SPATA13: variants seen among roughly 807,000 people sequenced by gnomAD.
The protein encoded by SPATA13 is spermatogenesis associated 13.
A neutral mutation model predicts 104.0 loss-of-function variants in SPATA13; 50 were observed. The observed-to-expected ratio is 0.48, with a 90% confidence interval of 0.38 to 0.61. The LOEUF (loss-of-function observed/expected upper bound fraction) is 0.61, where lower values mean the gene tolerates loss of function less well. SPATA13 is among the 20% of genes least tolerant of loss of function. SPATA13 has a pLI of 0.00. For synonymous variants in SPATA13, 606 were observed against 667.5 expected (o/e 0.91, Z 1.42); for missense variants, 1,524 against 1,690.6 (o/e 0.90, Z 1.73).
intron 1 of SPATA13, among the ~76,000 whole-genome samples, chr13:24,188,341 T>C (rs1013426238): frequency 2.1e-5 from 1 of 47,314 alleles, no homozygotes; most frequent in Non-Finnish European, 7.9e-5. Flanking sequence ...CCAAAAAAAA[T>C]AATAAAAAAA....
chr13:24,162,044 C>T (rs750475840), intron 1 of SPATA13, among the ~76,000 whole-genome samples: 1 of 152,148 alleles, frequency 6.6e-6, no homozygotes, highest in African/African-American at 2.4e-5. Flanking sequence ...TTGCAAACTT[C>T]CTCACTGCAT....
chr13:24,110,992 C>T (rs981506302), intron 3 of SPATA13, among the ~76,000 whole-genome samples: 3 of 152,082 alleles, frequency 2.0e-5, no homozygotes, highest in African/African-American at 2.4e-5. Context: ...GTCCTAGCCT[C>T]GAACTCCTGA....
rs1026021962 is a variant in SPATA13 at position 24,145,781 on chromosome 13, C to T, written c.-111-77038C>T. ...CAAATTGGTGATGCTGCTAGGAGGG[C>T]GTGAAGGAGACTAAGACAGGAAAAA... On this transcript the variant is annotated intron_variant, in intron 3 of 14. Transcript: ENST00000424834. Among the ~76,000 whole-genome samples the T allele has an allele frequency of 1.4e-4, 22 of 152,048 alleles. No homozygotes were observed. The South Asian group carries it at 1.7e-3, about 11-fold the overall frequency.
chr13:24,127,817 A>G (rs2137831491), intron 3 of SPATA13, among the ~76,000 whole-genome samples: 2 of 152,386 alleles, frequency 1.3e-5, no homozygotes, highest in Middle Eastern at 6.8e-3. Flanking sequence ...TTTAAATTGC[A>G]CAGCAAGGAA....
At chr13:24,123,413 G>T (rs1881105274) in intron 3 of SPATA13, 1 of 1,305,038 alleles carries the variant, frequency 7.7e-7, no homozygotes, top group Admixed American at 1.7e-5. Flanking sequence ...TGAAGAGGGG[G>T]AGTACATGAT....
intron 3 of SPATA13, among the ~76,000 whole-genome samples, chr13:24,146,324 C>T (rs1010343244): frequency 2.6e-5 from 4 of 152,212 alleles, no homozygotes; most frequent in African/African-American, 9.6e-5. Context: ...GGAGGTCAGA[C>T]TCTGTAAGCC....
chr13:24,123,750 A>G, intron 3 of SPATA13: 3 of 1,459,890 alleles, frequency 2.1e-6, no homozygotes, highest in Non-Finnish European at 2.9e-6. Context: ...AACATCTTGG[A>G]TAATGCCTTG....
intron 2 of SPATA13, among the ~76,000 whole-genome samples, chr13:24,002,053 A>G (rs920830242): frequency 2.6e-5 from 4 of 152,104 alleles, no homozygotes; most frequent in African/African-American, 9.7e-5. Flanking sequence ...AACATCTTAC[A>G]TGGCCGAGAG....
At chr13:24,216,367 A>G (rs1299124658) in intron 1 of SPATA13, among the ~76,000 whole-genome samples, 1 of 152,244 alleles carries the variant, frequency 6.6e-6, no homozygotes, top group Non-Finnish European at 1.5e-5. Context: ...TATTGGGGAA[A>G]CACCATTCTC....
Position 24,281,144 on chromosome 13 carries a change from G to A in SPATA13, c.2165-2991G>A, listed in dbSNP as rs117982760. Among the ~76,000 whole-genome samples, 200 of 152,328 alleles carry A rather than the reference G, an allele frequency of 1.3e-3. 3 individuals are homozygous for A. In the East Asian group the frequency reaches 0.034, roughly 26 times the overall value. On this transcript the variant is annotated intron_variant, in intron 4 of 12. Coordinates refer to ENST00000382108, the MANE Select transcript of SPATA13 (RefSeq NM_001166271.3). ...GCAACCGTCCCCTCTCCTTTAATGA[G>A]CAGGTAAGAAAGCTAGGGCCCAGAA...
intron 3 of SPATA13, among the ~76,000 whole-genome samples, chr13:24,145,161 G>A (rs1881888168): frequency 6.6e-6 from 1 of 152,124 alleles, no homozygotes; most frequent in African/African-American, 2.4e-5. Flanking sequence ...AGATGCTGGG[G>A]GTGTCAGAAA....
intron 1 of SPATA13, among the ~76,000 whole-genome samples, chr13:24,202,187 TAGGTA>T (rs1383927619): frequency 6.6e-6 from 1 of 152,130 alleles, no homozygotes; most frequent in Non-Finnish European, 1.5e-5. Context: ...TAAAAGATAA[TAGGTA>T]AGGATATATT....
At chr13:24,252,562 G>C (rs1328825239) in intron 4 of SPATA13, among the ~76,000 whole-genome samples, 1 of 152,010 alleles carries the variant, frequency 6.6e-6, no homozygotes, top group African/African-American at 2.4e-5. Context: ...TGAAAGAACA[G>C]GCAGAAATAA....
At chr13:24,293,560 A>G (rs1442295724) in intron 9 of SPATA13, among the ~76,000 whole-genome samples, 2 of 152,236 alleles carry the variant, frequency 1.3e-5, no homozygotes, top group Admixed American at 6.5e-5. Flanking sequence ...ATTAGTTGAC[A>G]TGACAGAAAG....
chr13:24,062,068 C>T (rs956198292), intron 3 of SPATA13, among the ~76,000 whole-genome samples: 4 of 152,238 alleles, frequency 2.6e-5, no homozygotes, highest in Non-Finnish European at 4.4e-5. Flanking sequence ...GCGATGGAAG[C>T]GTCACTGGAT....
chr13:24,275,485 G>A (rs2138705748), intron 4 of SPATA13, among the ~76,000 whole-genome samples: 1 of 152,362 alleles, frequency 6.6e-6, no homozygotes, highest in East Asian at 1.9e-4. Flanking sequence ...ATGACCAAGG[G>A]TGTGCTCCTT....
intron 1 of SPATA13, among the ~76,000 whole-genome samples, chr13:24,213,431 T>C (rs1871131356): frequency 6.6e-6 from 1 of 151,408 alleles, no homozygotes; most frequent in African/African-American, 2.4e-5. Context: ...CATGCCCGGC[T>C]AATTTTTATA....
At chr13:24,237,726 A>G (rs1872634113) in intron 2 of SPATA13, among the ~76,000 whole-genome samples, 1 of 151,968 alleles carries the variant, frequency 6.6e-6, no homozygotes, top group Non-Finnish European at 1.5e-5. Flanking sequence ...GCTACTCAGG[A>G]AGCCAAGATG....
chr13:24,152,544 T>C (rs963198964), intron 3 of SPATA13, among the ~76,000 whole-genome samples: 1 of 152,254 alleles, frequency 6.6e-6, no homozygotes, highest in Admixed American at 6.5e-5. Flanking sequence ...GCGGGTGTTC[T>C]ATGCCAGTGA....
Sources: gnomAD v4.1 joint callset for allele counts (sites outside exome capture counted in the v4.1 genomes callset) on GRCh38, gnomAD v4.1.1 for gene constraint, MANE v1.5 for transcripts, NCBI Gene and HGNC (gene_info 2026-07-23, HGNC 2026-07-21) for gene names.